The following CCBE1 variants were observed in gnomAD, a reference collection of about 807,000 sequenced individuals.
The protein encoded by CCBE1 is collagen and calcium binding EGF domains 1.
Under a neutral mutation model 50.0 loss-of-function variants are expected in CCBE1, and 37 were observed. That is an observed-to-expected ratio of 0.74 (90% CI 0.57 to 0.97). The LOEUF is 0.97. Among genes scored for constraint, CCBE1 ranks in the 50% least tolerant of loss-of-function variants. CCBE1 has a pLI of 0.00. For missense variants in CCBE1, 538 were observed against 523.8 expected, an observed-to-expected ratio of 1.03 and a Z score of -0.26; for synonymous variants, 234 against 203.7, an observed-to-expected ratio of 1.15 and a Z score of -1.27.
intron 2 of CCBE1, among the ~76,000 whole-genome samples, chr18:59,617,328 T>G (rs2053650063): frequency 6.6e-6 from 1 of 152,236 alleles, no homozygotes; most frequent in South Asian, 2.1e-4. Flanking sequence ...TCGAAATCCT[T>G]ACAAATCCTA....
chr18:59,533,395 C>T (rs1915124039), intron 2 of CCBE1, among the ~76,000 whole-genome samples: 1 of 152,156 alleles, frequency 6.6e-6, no homozygotes. Context: ...ACTAAATTCT[C>T]CCATAAAAGG....
chr18:59,533,720 T>A (rs904828565), intron 2 of CCBE1, among the ~76,000 whole-genome samples: 1 of 152,204 alleles, frequency 6.6e-6, no homozygotes, highest in African/African-American at 2.4e-5. Context: ...ATTCCTCCCC[T>A]GTACCATGCA....
intron 2 of CCBE1, among the ~76,000 whole-genome samples, chr18:59,689,310 C>T (rs1364458285): frequency 6.6e-6 from 1 of 152,220 alleles, no homozygotes; most frequent in Non-Finnish European, 1.5e-5. Flanking sequence ...GAATGTCCCA[C>T]AGGAGTGGCC....
At chr18:59,558,128 G>T (rs576083773) in intron 2 of CCBE1, among the ~76,000 whole-genome samples, 1 of 152,144 alleles carries the variant, frequency 6.6e-6, no homozygotes, top group Admixed American at 6.5e-5. Flanking sequence ...AACATCATTC[G>T]CAATTCGCTA....
At position 59,652,832 on chromosome 18, in the gene CCBE1, C is replaced by T. The variant is rs560203534; in HGVS notation, c.212+43797G>A. 2.6e-5 allele frequency among the ~76,000 whole-genome samples: 4 copies of T among 152,054 alleles called. 1 individual carries two copies. The highest frequency in any genetic ancestry group is 4.2e-4 in the South Asian group (2 of 4,818). ...ACAGAAAATTAGCCGGGCGTGGCGG[C>T]GGGCGCCTGTAGTCCCAGCTACTCA... On this transcript the variant is annotated intron_variant, in intron 2 of 10. Transcript: ENST00000439986.
chr18:59,647,984 A>G (rs1174422222), intron 2 of CCBE1, among the ~76,000 whole-genome samples: 1 of 152,222 alleles, frequency 6.6e-6, no homozygotes, highest in Non-Finnish European at 1.5e-5. Flanking sequence ...AGTCTATCTC[A>G]GAGAGCTACC....
Position 59,697,418 on chromosome 18 carries a change from G to T in CCBE1, c.-76C>A. 5 of 1,501,612 alleles carry T rather than the reference G, an allele frequency of 3.3e-6. No homozygotes were observed. Among genetic ancestry groups the T allele is most frequent in the East Asian group, 2.5e-5 (1 of 40,152 alleles). The allele number at this position is 1,501,612 out of a possible 1,614,324, so 93.0% of individuals were successfully genotyped here. ...GTCCTGCTCCTCCGCGGCCGCCGCC[G>T]CCTTCCCTCTTCCCGGCAGGGGGCG... On this transcript the variant is annotated 5_prime_UTR_variant, in exon 1 of 11. Transcript: ENST00000439986.
At chr18:59,672,709 A>G (rs1180004582) in intron 2 of CCBE1, among the ~76,000 whole-genome samples, 1 of 152,222 alleles carries the variant, frequency 6.6e-6, no homozygotes, top group East Asian at 1.9e-4. Flanking sequence ...ATTGTGAGCA[A>G]GAGAATAATT....
At chr18:59,627,085 C>A (rs1007486145) in intron 2 of CCBE1, among the ~76,000 whole-genome samples, 15 of 152,190 alleles carry the variant, frequency 9.9e-5, no homozygotes, top group African/African-American at 3.6e-4. Context: ...CTCTTCATTT[C>A]ATAAAAATAT....
chr18:59,508,200 T>A lies in CCBE1; in HGVS notation c.213-27962A>T, dbSNP rs141128274. ...GCCACTGCGCCCCGCCGTTAATTAG[T>A]ACTTCTCTTGGACAAAGACAATATA... On this transcript the variant is annotated intron_variant, in intron 2 of 10. Coordinates refer to ENST00000439986, the MANE Select transcript of CCBE1 (RefSeq NM_133459.4). 3.1e-3 allele frequency among the ~76,000 whole-genome samples: 467 copies of A among 152,078 alleles called. 3 individuals carry two copies. Among genetic ancestry groups the A allele is most frequent in the African/African-American group, 0.011 (440 of 41,510 alleles).
At chr18:59,689,341 G>A (rs111504611) in intron 2 of CCBE1, among the ~76,000 whole-genome samples, 3,193 of 152,330 alleles carry the variant, frequency 0.021, 45 homozygotes, top group Admixed American at 0.034. Context: ...GGTCTAGAAC[G>A]GATGTGGTCC....
At chr18:59,488,302 G>A (rs1315129033) in intron 2 of CCBE1, among the ~76,000 whole-genome samples, 1 of 152,140 alleles carries the variant, frequency 6.6e-6, no homozygotes, top group Non-Finnish European at 1.5e-5. Flanking sequence ...AGTATTTAAT[G>A]CCCCTGAATT....
At chr18:59,453,635 A>G (rs1351445528) in intron 6 of CCBE1, among the ~76,000 whole-genome samples, 3 of 152,204 alleles carry the variant, frequency 2.0e-5, no homozygotes, top group African/African-American at 7.2e-5. Flanking sequence ...TTTGTTGAAC[A>G]TGGGAAAGAG....
At chr18:59,503,788 C>T (rs1380516380) in intron 2 of CCBE1, among the ~76,000 whole-genome samples, 1 of 152,220 alleles carries the variant, frequency 6.6e-6, no homozygotes, top group East Asian at 1.9e-4. Context: ...GGCCCCACTT[C>T]ACTTCTTCAG....
At chr18:59,685,868 C>G (rs536514212) in intron 2 of CCBE1, 1 of 152,236 alleles carries the variant, frequency 6.6e-6, no homozygotes, top group Non-Finnish European at 1.5e-5. Context: ...ACCTAGTGAC[C>G]TTGTCAGAAT....
chr18:59,668,952 G>C (rs2054395387), intron 2 of CCBE1, among the ~76,000 whole-genome samples: 1 of 150,196 alleles, frequency 6.7e-6, no homozygotes, highest in Non-Finnish European at 1.5e-5. Flanking sequence ...AGCCTCCAGA[G>C]TAGCTGGGAT....
rs540892274 is a variant in CCBE1, at chr18:59,586,331, G to T, written c.213-106093C>A. On this transcript the variant is annotated intron_variant, in intron 2 of 10. Coordinates refer to ENST00000439986, the MANE Select transcript of CCBE1 (RefSeq NM_133459.4). Reference sequence around the variant, plus strand: ...GAAAATAGTGTGTGTATGTGGGTGGGAAGAATCAAATCTACACAAACACAC... The same window carrying T: ...GAAAATAGTGTGTGTATGTGGGTGGTAAGAATCAAATCTACACAAACACAC... Among the ~76,000 whole-genome samples the T allele has an allele frequency of 2.0e-5, 3 of 152,126 alleles. No homozygotes were observed. In the South Asian group the frequency reaches 6.2e-4, roughly 31 times the overall value.
chr18:59,490,361 T>C (rs1450810511), intron 2 of CCBE1, among the ~76,000 whole-genome samples: 1 of 150,286 alleles, frequency 6.7e-6, no homozygotes. Context: ...GTTCTCTTTA[T>C]GCAGGTGCGA....
In CCBE1 at chr18:59,435,915, T is replaced by C. The variant is rs770637810; in HGVS notation, c.1214A>G (p.Tyr405Cys). The C allele has an allele frequency of 1.2e-6, 2 of 1,613,808 alleles. No individual in the cohort carries two copies. Among genetic ancestry groups the C allele is most frequent in the Non-Finnish European group, 1.7e-6 (2 of 1,179,808 alleles). Reference protein sequence around the residue: ...TRDLRAPRDFYP With the variant: ...TRDLRAPRDFCP ...TGACGGTGTTGGGATGTGCTATGGG[T>C]AGAAGTCTCTGGGGGCTCTCAAGTC... Residue 405 changes from tyrosine to cysteine, a missense_variant, in exon 11 of 11, where the codon TAC becomes TGC. By Grantham distance (194) the Tyr-to-Cys change is radical. Transcript: ENST00000439986.
Sources: allele counts gnomAD v4.1 joint callset (sites outside exome capture counted in the v4.1 genomes callset), GRCh38; gene constraint gnomAD v4.1.1; transcripts MANE v1.5; gene names NCBI Gene and HGNC (gene_info 2026-07-23, HGNC 2026-07-21).